SERAC1: variants seen among roughly 807,000 people sequenced by gnomAD.
The protein encoded by SERAC1 is protein SERAC1.
A neutral mutation model predicts 85.7 loss-of-function variants in SERAC1; 36 were observed. That is an observed-to-expected ratio of 0.42 (90% CI 0.32 to 0.55). The LOEUF (loss-of-function observed/expected upper bound fraction) is 0.55. Among genes scored for constraint, SERAC1 ranks in the 20% least tolerant of loss-of-function variants. The probability of loss-of-function intolerance (pLI) is 0.11; values close to 1 mark genes in which losing one functional copy is unlikely to be tolerated. For synonymous variants in SERAC1, 242 were observed against 265.3 expected (o/e 0.91, Z 0.85); for missense variants, 629 against 796.2 (o/e 0.79, Z 2.53).
At chr6:158,167,807 A>G (rs988427460) in intron 1 of SERAC1, among the ~76,000 whole-genome samples, 1 of 151,916 alleles carries the variant, frequency 6.6e-6, no homozygotes, top group African/African-American at 2.4e-5. Context: ...GTGGTCTGCA[A>G]GGCTCAGAAG....
intron 1 of SERAC1, among the ~76,000 whole-genome samples, chr6:158,165,161 GT>G (rs559953818): frequency 3.4e-5 from 5 of 147,550 alleles, no homozygotes; most frequent in African/African-American, 2.5e-5. Flanking sequence ...TTGTTTTTTG[GT>G]TTTTTTTTTG....
chr6:158,146,431 T>TG (rs1785059743), intron 6 of SERAC1: 1 of 118,212 alleles, frequency 8.5e-6, no homozygotes, highest in Non-Finnish European at 1.7e-5. Context: ...TTTTTTGAGA[T>TG]GGAGTCTCGC....
chr6:158,145,620 G>A (rs866037544), intron 6 of SERAC1, among the ~76,000 whole-genome samples: 1 of 149,856 alleles, frequency 6.7e-6, no homozygotes, highest in African/African-American at 2.5e-5. Flanking sequence ...TCGTGGGTTC[G>A]CAATTCTTGT....
intron 6 of SERAC1, 68 bp downstream of exon 6, chr6:158,146,714 C>T (rs896869155): frequency 6.3e-7 from 1 of 1,595,302 alleles, no homozygotes; most frequent in Non-Finnish European, 8.6e-7. Context: ...CTGGCCACTC[C>T]CTTGTCTTTT....
intron 3 of SERAC1, among the ~76,000 whole-genome samples, chr6:158,154,501 T>C (rs1672441213): frequency 2.0e-5 from 3 of 152,178 alleles, no homozygotes; most frequent in South Asian, 4.1e-4. Context: ...CATTTCGGCA[T>C]CTGAGAGTTA....
At chr6:158,151,056 C>A (rs1785192482) in intron 3 of SERAC1, 1 of 154,720 alleles carries the variant, frequency 6.5e-6, no homozygotes. Flanking sequence ...ATGCCTAGGG[C>A]AGGTCCATCA....
At chr6:158,156,830 TA>T (rs1245700611) in intron 2 of SERAC1, among the ~76,000 whole-genome samples, 9 of 133,244 alleles carry the variant, frequency 6.8e-5, no homozygotes, top group South Asian at 4.3e-4. Context: ...TATATTAATA[TA>T]TTATATAAAT....
At chr6:158,112,326 A>T (rs2502605) in intron 16 of SERAC1, 81,869 of 152,182 alleles carry the variant, frequency 0.54, 22,465 homozygotes, top group African/African-American at 0.64. Flanking sequence ...AGTGGGAGGA[A>T]CGCTTGAGCC....
At chr6:158,149,302 T>A (rs1325148308) in intron 4 of SERAC1, among the ~76,000 whole-genome samples, 2 of 152,262 alleles carry the variant, frequency 1.3e-5, no homozygotes, top group Non-Finnish European at 1.5e-5. Context: ...CAAGAATGTA[T>A]TCTTAACACT....
Position 158,120,580 on chromosome 6 carries a change from T to C in SERAC1, c.1016-5A>G, listed in dbSNP as rs1321114507. 1.9e-6 allele frequency: 3 copies of C among 1,613,380 alleles called. No homozygotes were observed. In the Admixed American group the frequency reaches 5.0e-5, roughly 27 times the overall value. On this transcript the variant is annotated splice_polypyrimidine_tract_variant and splice_region_variant and intron_variant, in intron 10 of 16. Transcript: ENST00000647468. The surrounding 1 kb of genome is among the most constrained non-coding windows in gnomAD (Gnocchi z 4.4). Reference sequence around the variant, plus strand: ...CTGCCATGATGGAAACCCAGCCTGGTGAAAAGTACACATATCCTAAATACT... The same window carrying C: ...CTGCCATGATGGAAACCCAGCCTGGCGAAAAGTACACATATCCTAAATACT...
chr6:158,145,310 TG>T (rs775975907), intron 6 of SERAC1: 4 of 152,154 alleles, frequency 2.6e-5, no homozygotes, highest in African/African-American at 7.2e-5. Context: ...CCAAAATCTG[TG>T]GGCCAGGGCA....
At chr6:158,156,978 A>AGATATTAATG (rs1785366856) in intron 2 of SERAC1, among the ~76,000 whole-genome samples, 1 of 132,254 alleles carries the variant, frequency 7.6e-6, no homozygotes. Flanking sequence ...ATATTTATAT[A>AGATATTAATG]TAATAAATAC....
chr6:158,123,796 G>A (rs1784473255), intron 10 of SERAC1, among the ~76,000 whole-genome samples: 1 of 152,188 alleles, frequency 6.6e-6, no homozygotes, highest in South Asian at 2.1e-4. Context: ...AATATAAGCT[G>A]GGTTCAGGGA....
chr6:158,156,958 A>G (rs962861255), intron 2 of SERAC1, among the ~76,000 whole-genome samples: 2 of 138,474 alleles, frequency 1.4e-5, no homozygotes, highest in African/African-American at 5.4e-5. Context: ...ATATTTATAT[A>G]AATATTAATA....
chr6:158,117,489 G>C lies in SERAC1; in HGVS notation c.1403+238C>G. On this transcript the variant is annotated intron_variant, in intron 13 of 16. Coordinates refer to ENST00000647468, the MANE Select transcript of SERAC1 (RefSeq NM_032861.4). This position sits in a 1 kb window ranked among gnomAD's most constrained non-coding sequence, Gnocchi z 4.3. ...TCCACGATCCTTCACTATTAGAACAGTTGTAAATAAACCATGTTAGGAGCC... is the reference window on the plus strand; with the variant it reads ...TCCACGATCCTTCACTATTAGAACACTTGTAAATAAACCATGTTAGGAGCC... 2 of 1,547,680 alleles carry C rather than the reference G, an allele frequency of 1.3e-6. No individual in the cohort carries two copies. The highest frequency in any genetic ancestry group is 1.7e-6 in the Non-Finnish European group (2 of 1,144,876).
At chr6:158,150,639 C>T in intron 3 of SERAC1, 50 bp from the exon 4 acceptor site, 2 of 1,294,648 alleles carry the variant, frequency 1.5e-6, no homozygotes, top group Non-Finnish European at 2.2e-6. Flanking sequence ...CAAAATGTAA[C>T]ACAAGAGCTA....
intron 14 of SERAC1, 149 bp from the exon 15 acceptor site, chr6:158,115,120 A>G: frequency 1.3e-6 from 1 of 756,954 alleles, no homozygotes; most frequent in Non-Finnish European, 2.1e-6. Flanking sequence ...GTACAGTAGT[A>G]TAAGAAATAA....
intron 16 of SERAC1, chr6:158,112,570 T>A (rs1029406876): frequency 6.6e-6 from 1 of 152,000 alleles, no homozygotes. Context: ...AATTTTTCAG[T>A]TCTACTACAC....
In SERAC1 at chr6:158,114,782, G is replaced by C. The variant is rs765831183; in HGVS notation, c.1684+7C>G. The stretch of plus-strand genomic sequence containing the variant: ...ACCCCAATTTCCTTTATGACAAAAA[G>C]TATTACCCTTGCTGAGTTCTTTGAC... On this transcript the variant is annotated splice_region_variant and intron_variant, in intron 15 of 16. Coordinates refer to ENST00000647468, the MANE Select transcript of SERAC1 (RefSeq NM_032861.4). 6.2e-7 allele frequency: 1 copy of C among 1,608,384 alleles called. No individual in the cohort carries two copies. The highest frequency in any genetic ancestry group is 1.4e-5 in the African/African-American group (1 of 73,264).
Sources: allele counts gnomAD v4.1 joint callset (sites outside exome capture counted in the v4.1 genomes callset), GRCh38; gene constraint gnomAD v4.1.1; non-coding constraint Gnocchi (gnomAD v3.1); transcripts MANE v1.5; gene names NCBI Gene and HGNC (gene_info 2026-07-23, HGNC 2026-07-21).